KIAA1549: variants seen among roughly 807,000 people sequenced by gnomAD.
The protein encoded by KIAA1549 is UPF0606 protein KIAA1549.
Under a neutral mutation model 156.4 loss-of-function variants are expected in KIAA1549, and 70 were observed. The ratio of observed to expected loss-of-function variants is 0.45; its 90% CI spans 0.37 to 0.55. The LOEUF is 0.55. Ranked by LOEUF, KIAA1549 falls within the 20% of genes least tolerant of loss-of-function variation. The pLI, the probability that KIAA1549 is intolerant of heterozygous loss-of-function variation, is 0.00. For synonymous variants in KIAA1549, 1,103 were observed against 1,066.4 expected (o/e 1.03, Z -0.67); for missense variants, 2,428 against 2,540.9 (o/e 0.96, Z 0.96).
intron 1 of KIAA1549, among the ~76,000 whole-genome samples, chr7:138,953,086 T>G (rs561345742): frequency 2.3e-4 from 35 of 152,352 alleles, no homozygotes; most frequent in Non-Finnish European, 4.3e-4. Flanking sequence ...CTGGGCACGG[T>G]GGCTCATGCC....
At chr7:138,909,814 G>T (rs1365698076) in intron 4 of KIAA1549, among the ~76,000 whole-genome samples, 1 of 152,030 alleles carries the variant, frequency 6.6e-6, no homozygotes, top group Admixed American at 6.6e-5. Flanking sequence ...GGACATGGTG[G>T]TGGGTGCTTG....
rs2130386222 is a variant in KIAA1549, at chr7:138,871,335, T to C, written c.4373A>G (p.Glu1458Gly). ...GAAGATGGAGGCTGATGAGTGCTGC[T>C]CATTTCCCGAACTGGGCAGTGGTGG... is the stretch of plus-strand genomic sequence containing the variant. ...SGPPLPSSGN[E>G]QHSSASIFEH... The change falls in exon 13 of 20, where the codon GAG (glutamate) becomes GGG (glycine). Residue 1458 changes from glutamate to glycine, a missense_variant. Transcript: ENST00000422774. 6.4e-7 allele frequency: 1 copy of C among 1,572,904 alleles called. No homozygotes were observed. The highest frequency in any genetic ancestry group is 2.3e-5 in the East Asian group (1 of 43,984).
intron 1 of KIAA1549, among the ~76,000 whole-genome samples, chr7:138,973,187 A>T (rs1814270829): frequency 6.6e-6 from 1 of 152,214 alleles, no homozygotes; most frequent in Non-Finnish European, 1.5e-5. Flanking sequence ...CATGTTTTTA[A>T]AACTTCCACC....
intron 2 of KIAA1549, among the ~76,000 whole-genome samples, chr7:138,915,489 T>C (rs1209130962): frequency 1.3e-5 from 2 of 152,036 alleles, no homozygotes; most frequent in Non-Finnish European, 2.9e-5. Context: ...TCCAAAGCCA[T>C]TCCCACAGGT....
At chr7:138,935,186 G>T (rs2130511625) in intron 1 of KIAA1549, among the ~76,000 whole-genome samples, 1 of 152,108 alleles carries the variant, frequency 6.6e-6, no homozygotes. Flanking sequence ...ATACTGCAAG[G>T]CTTTTAAAAA....
chr7:138,842,314 A>G (rs535440651), intron 18 of KIAA1549, among the ~76,000 whole-genome samples: 1 of 152,304 alleles, frequency 6.6e-6, no homozygotes, highest in East Asian at 1.9e-4. Flanking sequence ...CAGCTCAGCC[A>G]TCGACAAGCC....
At chr7:138,938,500 T>C (rs888633129) in intron 1 of KIAA1549, among the ~76,000 whole-genome samples, 6 of 152,232 alleles carry the variant, frequency 3.9e-5, no homozygotes, top group African/African-American at 7.2e-5. Flanking sequence ...ATCCATAGCA[T>C]TAACTCTCTA....
At chr7:138,871,914 C>G (rs574555927) in intron 12 of KIAA1549, among the ~76,000 whole-genome samples, 6 of 152,194 alleles carry the variant, frequency 3.9e-5, no homozygotes, top group African/African-American at 1.4e-4. Flanking sequence ...GGAAAGAAAA[C>G]GAAGTTGAAG....
chr7:138,971,027 G>T (rs564247911), intron 1 of KIAA1549, among the ~76,000 whole-genome samples: 1 of 152,298 alleles, frequency 6.6e-6, no homozygotes, highest in African/African-American at 2.4e-5. Context: ...CACTAGGAGT[G>T]AGGAGCCCTC....
intron 1 of KIAA1549, among the ~76,000 whole-genome samples, chr7:138,952,054 T>C (rs957653235): frequency 2.0e-5 from 3 of 152,052 alleles, no homozygotes; most frequent in African/African-American, 7.2e-5. Context: ...ACACACAGGG[T>C]GGTTACGTGG....
At position 138,981,281 on chromosome 7, in the gene KIAA1549, G is replaced by T; in HGVS notation, c.-12C>A. On this transcript the variant is annotated 5_prime_UTR_variant, in exon 1 of 20. Coordinates refer to ENST00000422774, the MANE Select transcript of KIAA1549 (RefSeq NM_001164665.2). The surrounding 1 kb of genome is among the most constrained non-coding windows in gnomAD (Gnocchi z 4.5). ...CGCGCCCCCGGCATTCCCGGCCGGC[G>T]CCCCGGCCCGGCCTCGCGGCTCAGC... The T allele has an allele frequency of 1.0e-6, 1 of 972,122 alleles. No homozygotes were observed. Among genetic ancestry groups the T allele is most frequent in the Non-Finnish European group, 1.2e-6 (1 of 820,652 alleles). The allele number at this position is 972,122 out of a possible 1,614,324, so 60.2% of individuals were successfully genotyped here.
chr7:138,947,804 C>T (rs1450561932), intron 1 of KIAA1549, among the ~76,000 whole-genome samples: 2 of 152,142 alleles, frequency 1.3e-5, no homozygotes, highest in East Asian at 3.9e-4. Context: ...ACTCTGTTGC[C>T]CAGGCTGCAG....
Position 138,891,167 on chromosome 7 carries a change from G to A in KIAA1549, c.4032+3175C>T, listed in dbSNP as rs115243069. Among the ~76,000 whole-genome samples, 1,356 of 152,360 alleles carry A rather than the reference G, an allele frequency of 8.9e-3. 16 individuals carry two copies. The highest frequency in any genetic ancestry group is 0.032 in the African/African-American group (1,316 of 41,576). On this transcript the variant is annotated intron_variant, in intron 10 of 19. Transcript: ENST00000422774. ...TAAAGCCCTGGAATGCAGAGATCGC[G>A]TGCTATTTGTGTTGGTAACTGAGCC...
At position 138,960,287 on chromosome 7, in the gene KIAA1549, T is replaced by TTTTATTTATTTATTTA. The variant is rs1356727367; in HGVS notation, c.187+20795_187+20796insTAAATAAATAAATAAA. ...CTCATCTCTACAAAAATAAATTTTA[T>TTTTATTTATTTATTTA]TTTATTGATTTATTGATTTATTTAT... On this transcript the variant is annotated intron_variant, in intron 1 of 19. Coordinates refer to ENST00000422774, the MANE Select transcript of KIAA1549 (RefSeq NM_001164665.2). Among the ~76,000 whole-genome samples the TTTTATTTATTTATTTA allele has an allele frequency of 2.3e-3, 210 of 90,276 alleles. 1 individual carries two copies. Among genetic ancestry groups the TTTTATTTATTTATTTA allele is most frequent in the African/African-American group, 1.0e-2 (205 of 20,566 alleles). 59.2% of individuals were successfully genotyped at this position (90,276 alleles called of 152,430 possible).
At chr7:138,873,332 G>A (rs1331275151) in intron 12 of KIAA1549, among the ~76,000 whole-genome samples, 1 of 152,146 alleles carries the variant, frequency 6.6e-6, no homozygotes, top group Non-Finnish European at 1.5e-5. Flanking sequence ...TACCTAGAAG[G>A]AACCTGACTA....
rs371131658 is a variant in KIAA1549 at position 138,909,069 on chromosome 7, C to T, written c.3198G>A (p.Gln1066=). ...CTGTCATTAGGCCTTTCTCAATGCG[C>T]TGGGTGAAGTTGCAGAAGCCAGTAT... ...SVDTGFCNFT[Q]RIEKGLMTAL... Residue 1066 remains glutamine (Q), a synonymous_variant, in exon 5 of 20, where the codon CAG becomes CAA. Transcript: ENST00000422774. 6.2e-7 allele frequency: 1 copy of T among 1,613,794 alleles called. No individual in the cohort carries two copies. The highest frequency in any genetic ancestry group is 8.5e-7 in the Non-Finnish European group (1 of 1,179,872).
At chr7:138,909,276 C>T (rs140637659) in intron 4 of KIAA1549, among the ~76,000 whole-genome samples, 155 bp from the exon 5 acceptor site, 4 of 152,012 alleles carry the variant, frequency 2.6e-5, no homozygotes, top group African/African-American at 4.8e-5. Flanking sequence ...TATTTTCTCA[C>T]GGAAATGTAA....
At chr7:138,879,411 G>A (rs1811177589) in intron 12 of KIAA1549, 127 bp downstream of exon 12, 2 of 614,972 alleles carry the variant, frequency 3.3e-6, no homozygotes, top group Non-Finnish European at 5.6e-6. Context: ...GAAACCACAG[G>A]AATGATGAAT....
intron 16 of KIAA1549, among the ~76,000 whole-genome samples, chr7:138,860,410 AC>A (rs530891186): frequency 1.3e-3 from 203 of 152,308 alleles, no homozygotes; most frequent in African/African-American, 4.6e-3. Flanking sequence ...AACAAGGTGG[AC>A]CCAGTATAAA....
Sources: allele counts gnomAD v4.1 joint callset (sites outside exome capture counted in the v4.1 genomes callset), GRCh38; gene constraint gnomAD v4.1.1; non-coding constraint Gnocchi (gnomAD v3.1); transcripts MANE v1.5; gene names NCBI Gene and HGNC (gene_info 2026-07-23, HGNC 2026-07-21).